The following USP47 variants were observed in gnomAD, a reference collection of about 807,000 sequenced individuals.
USP47 encodes the protein ubiquitin carboxyl-terminal hydrolase 47.
USP47 carries 35 observed loss-of-function variants against 165.1 expected under a neutral mutation model. The observed-to-expected ratio is 0.21, with a 90% CI of 0.16 to 0.28. The LOEUF is 0.28. Among genes scored for constraint, USP47 ranks in the 10% least tolerant of loss-of-function variants. The pLI is 1.00. For missense variants in USP47, 1,277 were observed against 1,607.4 expected (o/e 0.79, Z 3.52); for synonymous variants, 531 against 544.5 (o/e 0.98, Z 0.35).
chr11:11,850,948 ATCT>A (rs1042841820), intron 1 of USP47, among the ~76,000 whole-genome samples: 4 of 152,172 alleles, frequency 2.6e-5, no homozygotes, highest in Non-Finnish European at 5.9e-5. Flanking sequence ...AAGGGCACTA[ATCT>A]CATTTATGAG....
At chr11:11,862,858 A>T (rs1039918196) in intron 1 of USP47, among the ~76,000 whole-genome samples, 1 of 152,152 alleles carries the variant, frequency 6.6e-6, no homozygotes, top group African/African-American at 2.4e-5. Flanking sequence ...CACCCAGCCT[A>T]CAAGTGTAAT....
At chr11:11,860,791 T>G (rs1849335814) in intron 1 of USP47, among the ~76,000 whole-genome samples, 1 of 152,198 alleles carries the variant, frequency 6.6e-6, no homozygotes, top group Admixed American at 6.5e-5. Context: ...TTTCTAAGTT[T>G]AGATACCTAC....
intron 1 of USP47, among the ~76,000 whole-genome samples, chr11:11,863,545 A>C (rs1377706945): frequency 6.6e-6 from 1 of 152,196 alleles, no homozygotes; most frequent in African/African-American, 2.4e-5. Flanking sequence ...TAATACAGAA[A>C]GTAAATTTTT....
At chr11:11,930,988 G>GTT (rs1258270447) in intron 14 of USP47, among the ~76,000 whole-genome samples, 1 of 152,092 alleles carries the variant, frequency 6.6e-6, no homozygotes, top group Non-Finnish European at 1.5e-5. Context: ...TAAATTGAAT[G>GTT]TTTATTAGTA....
chr11:11,852,625 C>T (rs1049768621), intron 1 of USP47, among the ~76,000 whole-genome samples: 13 of 152,134 alleles, frequency 8.5e-5, no homozygotes, highest in Non-Finnish European at 1.6e-4. Context: ...TTCTTCTAGG[C>T]TAACATGGAA....
intron 8 of USP47, among the ~76,000 whole-genome samples, chr11:11,911,245 G>A (rs2134513331): frequency 6.6e-6 from 1 of 152,144 alleles, no homozygotes; most frequent in East Asian, 1.9e-4. Context: ...ATAACAAAAG[G>A]TTTAGCACTG....
intron 25 of USP47, 60 bp from the exon 26 acceptor site, chr11:11,954,834 AAAT>A: frequency 6.4e-7 from 1 of 1,572,396 alleles, no homozygotes; most frequent in Non-Finnish European, 8.7e-7. Flanking sequence ...GGTAAAAGGA[AAAT>A]AACTTTTCTA....
Position 11,880,303 on chromosome 11 carries a change from G to C in USP47, c.166G>C (p.Asp56His). 7.1e-7 allele frequency: 1 copy of C among 1,410,778 alleles called. No individual in the cohort carries two copies. The allele number at this position is 1,410,778 out of a possible 1,614,324, so 87.4% of individuals were successfully genotyped here. The change falls in exon 2 of 28, where the codon GAT becomes CAT. Residue 56 changes from aspartate to histidine, a missense_variant. Transcript: ENST00000527733. ...TACTCCAGTCAGAAAGCTCTTTGAA[G>C]ATGTGGCCAACAAAGTAGGCTACAT... ...ASTPVRKLFEDVANKVGYING... is the reference protein window; with the variant it reads ...ASTPVRKLFEHVANKVGYING...
chr11:11,852,069 G>C (rs1282294072), intron 1 of USP47, among the ~76,000 whole-genome samples: 1 of 151,976 alleles, frequency 6.6e-6, no homozygotes, highest in African/African-American at 2.4e-5. Flanking sequence ...TACTCAGCCA[G>C]GCAGGTCAAA....
At chr11:11,911,423 C>T (rs929756135) in intron 8 of USP47, among the ~76,000 whole-genome samples, 5 of 151,886 alleles carry the variant, frequency 3.3e-5, no homozygotes, top group African/African-American at 1.2e-4. Context: ...TGAGCAAACC[C>T]CAAACACAAT....
intron 1 of USP47, among the ~76,000 whole-genome samples, chr11:11,875,900 G>T (rs922809671): frequency 6.6e-6 from 1 of 152,218 alleles, no homozygotes; most frequent in Non-Finnish European, 1.5e-5. Flanking sequence ...ACCTCACCTG[G>T]CCATTTTTAC....
chr11:11,844,541 T>C (rs1231926469), intron 1 of USP47, among the ~76,000 whole-genome samples: 3 of 152,186 alleles, frequency 2.0e-5, no homozygotes, highest in Non-Finnish European at 4.4e-5. Context: ...GACCTAGTGC[T>C]AGAACTCACT....
Position 11,841,990 on chromosome 11 carries a change from A to AGCGGCG in USP47, c.-182_-177dup, listed in dbSNP as rs879556356. 2.3e-4 allele frequency: 123 copies of AGCGGCG among 531,386 alleles called. No homozygotes were observed. The highest frequency in any genetic ancestry group is 8.8e-4 in the African/African-American group (44 of 50,002). 32.9% of individuals were successfully genotyped at this position (531,386 alleles called of 1,614,324 possible). On this transcript the variant is annotated 5_prime_UTR_variant, in exon 1 of 28. Coordinates refer to ENST00000527733, the MANE Select transcript of USP47 (RefSeq NM_001282659.2). ...GGCCGACGACGAAGGCGGCTGTGGT[A>AGCGGCG]GCGGCGGCGGCGGCGGCGGAGCCCT...
intron 16 of USP47, among the ~76,000 whole-genome samples, chr11:11,935,018 T>C (rs1041300792): frequency 6.6e-6 from 1 of 152,140 alleles, no homozygotes; most frequent in African/African-American, 2.4e-5. Context: ...GTCACATTCT[T>C]ATTAAAAATG....
At chr11:11,860,600 C>T (rs1564853607) in intron 1 of USP47, among the ~76,000 whole-genome samples, 1 of 152,056 alleles carries the variant, frequency 6.6e-6, no homozygotes, top group Non-Finnish European at 1.5e-5. Context: ...AAACAAGCTC[C>T]CTTGATTTAG....
chr11:11,892,055 T>G lies in USP47; in HGVS notation c.445T>G (p.Tyr149Asp), dbSNP rs1159349874. Residue 149 changes from tyrosine to aspartate, a missense_variant, in exon 4 of 28, where the codon TAT becomes GAT. Physicochemically the swap from Tyr to Asp is radical, Grantham distance 160. Around this residue, in one of 4 missense-constraint regions of USP47, gnomAD observed 181 missense variants for 194.7 expected, o/e 0.93. Coordinates refer to ENST00000527733, the MANE Select transcript of USP47 (RefSeq NM_001282659.2). ...REGSGGSTSD[Y>D]VSQSYSYSSI... ...AGGTTCTGGGGGTTCTACCAGTGATTATGTCAGCCAAAGCTACTCCTACTC... is the reference window on the plus strand; with the variant it reads ...AGGTTCTGGGGGTTCTACCAGTGATGATGTCAGCCAAAGCTACTCCTACTC... The G allele has an allele frequency of 6.2e-7, 1 of 1,613,880 alleles. No homozygotes were observed.
At chr11:11,868,347 T>C (rs1250865978) in intron 1 of USP47, among the ~76,000 whole-genome samples, 1 of 152,236 alleles carries the variant, frequency 6.6e-6, no homozygotes, top group African/African-American at 2.4e-5. Context: ...TCCATTTCTA[T>C]ACTTGGTCAT....
chr11:11,876,926 C>G (rs1399658751), intron 1 of USP47, among the ~76,000 whole-genome samples: 1 of 152,034 alleles, frequency 6.6e-6, no homozygotes, highest in African/African-American at 2.4e-5. Context: ...AAAAGAATGG[C>G]AAAGAATTTT....
intron 3 of USP47, among the ~76,000 whole-genome samples, chr11:11,885,828 G>C (rs943412459): frequency 2.6e-5 from 4 of 152,176 alleles, no homozygotes; most frequent in African/African-American, 7.2e-5. Flanking sequence ...CTTCCTGCAG[G>C]TGCATTCAGG....
Sources: allele counts gnomAD v4.1 joint callset (sites outside exome capture counted in the v4.1 genomes callset), GRCh38; gene constraint gnomAD v4.1.1; regional missense constraint gnomAD v4.1.1; transcripts MANE v1.5; gene names NCBI Gene and HGNC (gene_info 2026-07-23, HGNC 2026-07-21).